Variants in LGALS8 observed in about 807,000 individuals in gnomAD.
The protein encoded by LGALS8 is galectin-8.
A neutral mutation model predicts 35.9 loss-of-function variants in LGALS8; 30 were observed. The observed-to-expected ratio is 0.83, with a 90% confidence interval of 0.62 to 1.13. The LOEUF (loss-of-function observed/expected upper bound fraction) is 1.13, where lower values mean the gene tolerates loss of function less well. Ranked by LOEUF, LGALS8 falls within the 50% of genes most tolerant of loss-of-function variation. The pLI, the probability that LGALS8 is intolerant of heterozygous loss-of-function variation, is 0.00. For missense variants in LGALS8, 366 were observed against 388.7 expected, an observed-to-expected ratio of 0.94 and a Z score of 0.49; for synonymous variants, 138 against 136.1, an observed-to-expected ratio of 1.01 and a Z score of -0.10.
intron 9 of LGALS8, among the ~76,000 whole-genome samples, chr1:236,547,070 A>C (rs911957): frequency 6.6e-6 from 1 of 151,846 alleles, no homozygotes; most frequent in Non-Finnish European, 1.5e-5. Flanking sequence ...TTTGTGCTTC[A>C]TTCTGGCCTC....
rs1662542912 is a variant in LGALS8, at chr1:236,548,364, A to ACTT, written c.*204_*206dup. 1 of 564,982 alleles carries ACTT rather than the reference A, an allele frequency of 1.8e-6. No individual in the cohort carries two copies. The highest frequency in any genetic ancestry group is 1.9e-5 in the African/African-American group (1 of 53,130). 35.0% of individuals were successfully genotyped at this position (564,982 alleles called of 1,614,324 possible). On this transcript the variant is annotated 3_prime_UTR_variant, in exon 10 of 10. Coordinates refer to ENST00000366584, the MANE Select transcript of LGALS8 (RefSeq NM_201544.4). Reference sequence around the variant, plus strand: ...GAATGGGGAAACTGGGGGCAGCAACACTTATAGCCAGTTAAAGCCACTCTG... The same window carrying ACTT: ...GAATGGGGAAACTGGGGGCAGCAACACTTCTTATAGCCAGTTAAAGCCACTCTG...
rs115536225 is a variant in LGALS8 at position 236,542,834 on chromosome 1, T to G, written c.549+47T>G. On this transcript the variant is annotated intron_variant, in intron 7 of 9. Transcript: ENST00000366584. Reference sequence around the variant, plus strand: ...ATTTCATGTGGAATATTTTATAAAGTTGCATAGAAAATGAACAGTTTAAAC... The same window carrying G: ...ATTTCATGTGGAATATTTTATAAAGGTGCATAGAAAATGAACAGTTTAAAC... The G allele has an allele frequency of 4.4e-4, 713 of 1,614,092 alleles. 1 individual carries two copies. In the African/African-American group the frequency reaches 8.6e-3, roughly 19 times the overall value.
intron 2 of LGALS8, among the ~76,000 whole-genome samples, chr1:236,529,647 CT>C (rs780751484): frequency 0.11 from 11,670 of 105,564 alleles, 397 homozygotes; most frequent in African/African-American, 0.18. Context: ...TCTTTCTTCT[CT>C]TTTTTTTTTT....
intron 4 of LGALS8, 90 bp downstream of exon 4, chr1:236,539,179 T>C: frequency 4.0e-6 from 4 of 996,590 alleles, no homozygotes; most frequent in Non-Finnish European, 6.2e-6. Context: ...AGCCTTATAT[T>C]TCCTACACCT....
At chr1:236,544,206 C>T (rs1359252248) in intron 8 of LGALS8, among the ~76,000 whole-genome samples, 1 of 152,174 alleles carries the variant, frequency 6.6e-6, no homozygotes, top group Admixed American at 6.5e-5. Flanking sequence ...GCCCACTTCG[C>T]CCTCCCAGTG....
chr1:236,523,223 A>C (rs1202692785), upstream of LGALS8: 1 of 152,268 alleles, frequency 6.6e-6, no homozygotes, highest in East Asian at 1.9e-4. Flanking sequence ...CATACTGCTT[A>C]AACTGTTCCC....
rs1248137947 is a variant in LGALS8 at position 236,542,848 on chromosome 1, AAC to A, written c.549+63_549+64del. The A allele has an allele frequency of 3.1e-6, 5 of 1,614,076 alleles. No individual in the cohort carries two copies. In the African/African-American group the frequency reaches 5.3e-5, roughly 17 times the overall value. ...ATTTTATAAAGTTGCATAGAAAATG[AAC>A]AGTTTAAACCGTGGAGGGCAGCTTC... On this transcript the variant is annotated intron_variant, in intron 7 of 9. Transcript: ENST00000366584.
chr1:236,530,210 A>G (rs1489703289), intron 2 of LGALS8, among the ~76,000 whole-genome samples: 1 of 152,178 alleles, frequency 6.6e-6, no homozygotes, highest in Non-Finnish European at 1.5e-5. Flanking sequence ...CCTGGTACCC[A>G]GTTTTCTTAG....
chr1:236,540,490 T>G, intron 4 of LGALS8, 74 bp from the exon 5 acceptor site: 1 of 1,439,370 alleles, frequency 6.9e-7, no homozygotes, highest in Non-Finnish European at 9.2e-7. Flanking sequence ...AACATTTAAA[T>G]TTGGATAATA....
chr1:236,548,699 C>A lies in LGALS8; in HGVS notation c.*538C>A. Reference sequence around the variant, plus strand: ...ACACTAACTTACAGAAGACACAACTCCTTCCCCAGTGATCACTGTCATAAC... The same window carrying A: ...ACACTAACTTACAGAAGACACAACTACTTCCCCAGTGATCACTGTCATAAC... On this transcript the variant is annotated 3_prime_UTR_variant, in exon 10 of 10. Transcript: ENST00000366584. 1 of 382,188 alleles carries A rather than the reference C, an allele frequency of 2.6e-6. No individual in the cohort carries two copies. 23.7% of individuals were successfully genotyped at this position (382,188 alleles called of 1,614,324 possible).
chr1:236,550,141 T>A lies in LGALS8; in HGVS notation c.*1980T>A, dbSNP rs1662658415. The A allele has an allele frequency of 6.6e-6, 1 of 152,224 alleles. No homozygotes were observed. Among genetic ancestry groups the A allele is most frequent in the South Asian group, 2.1e-4 (1 of 4,830 alleles). 9.4% of individuals were successfully genotyped at this position (152,224 alleles called of 1,614,324 possible). On this transcript the variant is annotated 3_prime_UTR_variant, in exon 10 of 10. Transcript: ENST00000366584. ...TGAAAAAAATCTACTGATACTTACT[T>A]TCTTAGACAAGTAGTTCTTAGTTAA...
chr1:236,538,499 G>C (rs1661727521), intron 3 of LGALS8, among the ~76,000 whole-genome samples: 2 of 152,192 alleles, frequency 1.3e-5, no homozygotes, highest in Admixed American at 1.3e-4. Context: ...GGGTGCATGT[G>C]GTGTTTGCGG....
At chr1:236,537,021 C>CTTTTTTTTGTTT (rs562338325) in intron 2 of LGALS8, among the ~76,000 whole-genome samples, 64,516 of 137,234 alleles carry the variant, frequency 0.47, 18,806 homozygotes, top group Non-Finnish European at 0.64. Flanking sequence ...TATGCAGTTC[C>CTTTTTTTTGTTT]TTTTTTTTTT....
At chr1:236,537,928 C>CCCT (rs1483035349) in intron 3 of LGALS8, among the ~76,000 whole-genome samples, 3 of 89,694 alleles carry the variant, frequency 3.3e-5, no homozygotes, top group South Asian at 6.0e-4. Context: ...TGAGACCCCC[C>CCCT]ATCTGTAAAA....
chr1:236,544,074 G>T (rs1449889818), intron 8 of LGALS8, among the ~76,000 whole-genome samples: 1 of 152,042 alleles, frequency 6.6e-6, no homozygotes, highest in Non-Finnish European at 1.5e-5. Context: ...AGCCTCTGGA[G>T]TAGCTGGGAT....
Position 236,534,592 on chromosome 1 carries a change from G to GT in LGALS8, c.46-2904dup, listed in dbSNP as rs1449433543. On this transcript the variant is annotated intron_variant, in intron 2 of 9. Transcript: ENST00000366584. ...TTAAATGAGTCAGCGGCAGGGCACT[G>GT]TGTCTCATAGTTAAAAAAAAAAAAA... 3.3e-5 allele frequency among the ~76,000 whole-genome samples: 5 copies of GT among 149,558 alleles called. No individual in the cohort carries two copies. The East Asian group carries it at 9.8e-4, about 29-fold the overall frequency.
At chr1:236,535,104 T>C (rs1417718977) in intron 2 of LGALS8, among the ~76,000 whole-genome samples, 1 of 151,604 alleles carries the variant, frequency 6.6e-6, no homozygotes, top group Admixed American at 6.6e-5. Flanking sequence ...ATAGATTGTT[T>C]TGTCTCAAAA....
intron 5 of LGALS8, 177 bp from the exon 6 acceptor site, chr1:236,541,477 T>A (rs975613210): frequency 1.6e-5 from 8 of 493,502 alleles, no homozygotes; most frequent in East Asian, 1.1e-4. Flanking sequence ...TTATTCTCTG[T>A]AATGTTTGCC....
In LGALS8 at chr1:236,551,894, T is replaced by C. The variant is rs1385758854; in HGVS notation, c.*3733T>C. On this transcript the variant is annotated 3_prime_UTR_variant, in exon 10 of 10. Transcript: ENST00000366584. ...CCTGTATGAGGACTGGATCAACTGC[T>C]AGTCACGTTATATCCAAATCTGCAT... 17 of 752,968 alleles carry C rather than the reference T, an allele frequency of 2.3e-5. No individual in the cohort carries two copies. Among genetic ancestry groups the C allele is most frequent in the African/African-American group, 3.4e-5 (2 of 57,976 alleles). 46.6% of individuals were successfully genotyped at this position (752,968 alleles called of 1,614,324 possible). A position where few individuals can be genotyped will look rare whatever the true frequency, so the allele number is the denominator to read the frequency against.
Sources: allele counts gnomAD v4.1 joint callset (sites outside exome capture counted in the v4.1 genomes callset), GRCh38; gene constraint gnomAD v4.1.1; transcripts MANE v1.5; gene names NCBI Gene and HGNC (gene_info 2026-07-23, HGNC 2026-07-21).